Variants in ATP9A observed in about 807,000 individuals in gnomAD.
The protein encoded by ATP9A is ATPase phospholipid transporting 9A.
ATP9A carries 52 observed loss-of-function variants against 144.1 expected under a neutral mutation model. The observed-to-expected ratio is 0.36, with a 90% CI of 0.29 to 0.45. The LOEUF (loss-of-function observed/expected upper bound fraction) is 0.45. Among genes scored for constraint, ATP9A ranks in the 20% least tolerant of loss-of-function variants. ATP9A has a pLI of 1.00. For missense variants in ATP9A, 947 were observed against 1,392.7 expected, an observed-to-expected ratio of 0.68 and a Z score of 5.09; for synonymous variants, 582 against 557.4, an observed-to-expected ratio of 1.04 and a Z score of -0.62.
At chr20:51,760,544 T>C (rs909825709) in intron 1 of ATP9A, among the ~76,000 whole-genome samples, 2 of 150,790 alleles carry the variant, frequency 1.3e-5, no homozygotes, top group Admixed American at 6.6e-5. Context: ...CTGGCCAACA[T>C]GGCGAAACCC....
chr20:51,737,486 G>A (rs1395698870), intron 1 of ATP9A, among the ~76,000 whole-genome samples: 1 of 152,120 alleles, frequency 6.6e-6, no homozygotes, highest in Non-Finnish European at 1.5e-5. Context: ...CTTTGCACAC[G>A]TGTGGGGCCC....
intron 14 of ATP9A, among the ~76,000 whole-genome samples, chr20:51,654,248 T>C (rs1199888334): frequency 6.6e-6 from 1 of 152,122 alleles, no homozygotes; most frequent in Non-Finnish European, 1.5e-5. Flanking sequence ...CCCTGCAGGC[T>C]GGAAGGAGGA....
intron 1 of ATP9A, chr20:51,734,726 G>A (rs2077756381): frequency 5.1e-6 from 1 of 194,898 alleles, no homozygotes; most frequent in Non-Finnish European, 1.1e-5. Context: ...CCAAGTTCCT[G>A]AGGAACATGC....
chr20:51,639,419 T>C lies in ATP9A; in HGVS notation c.1592A>G (p.Asp531Gly). 1 of 1,614,020 alleles carries C rather than the reference T, an allele frequency of 6.2e-7. No individual in the cohort carries two copies. Among genetic ancestry groups the C allele is most frequent in the South Asian group, 1.1e-5 (1 of 91,066 alleles). Residue 531 changes from aspartate to glycine, a missense_variant, in exon 15 of 28, where the codon GAC becomes GGC. By Grantham distance (94) the Asp-to-Gly change is moderately conservative (BLOSUM62 -1). Coordinates refer to ENST00000338821, the MANE Select transcript of ATP9A (RefSeq NM_006045.3). ...QSSMQLRTPGDQILNFTILQI... is the reference protein window; with the variant it reads ...QSSMQLRTPGGQILNFTILQI... ...TAGGATGGTGAAGTTCAGGATCTGG[T>C]CGCCAGGGGTCCTCAGCTGCATGGA...
intron 3 of ATP9A, among the ~76,000 whole-genome samples, chr20:51,724,237 C>G (rs758207606): frequency 6.6e-6 from 1 of 152,154 alleles, no homozygotes; most frequent in African/African-American, 2.4e-5. Flanking sequence ...AGCGTTCCCC[C>G]CCTGGGTCCC....
intron 13 of ATP9A, among the ~76,000 whole-genome samples, chr20:51,662,287 C>G (rs1024977484): frequency 1.3e-5 from 2 of 152,190 alleles, no homozygotes; most frequent in African/African-American, 2.4e-5. Context: ...GTGGCTCACG[C>G]CTGTAATCCC....
intron 1 of ATP9A, among the ~76,000 whole-genome samples, chr20:51,749,501 T>A (rs1239416674): frequency 3.3e-5 from 5 of 152,146 alleles, no homozygotes; most frequent in Admixed American, 6.5e-5. Context: ...TGACCCCAGG[T>A]GATCCACCCA....
chr20:51,671,379 C>T, intron 11 of ATP9A, 122 bp from the exon 12 acceptor site: 1 of 1,197,720 alleles, frequency 8.3e-7, no homozygotes, highest in Non-Finnish European at 1.2e-6. Context: ...TGCAGAAGCA[C>T]ACTGCCAGAG....
chr20:51,737,333 C>T lies in ATP9A; in HGVS notation c.69-7355G>A, dbSNP rs116394224. ...GCCCCGTACCCATTCACCTTTGAGCCACTTATCAATTTACTCCCTCTCAGT... is the reference window on the plus strand; with the variant it reads ...GCCCCGTACCCATTCACCTTTGAGCTACTTATCAATTTACTCCCTCTCAGT... On this transcript the variant is annotated intron_variant, in intron 1 of 27. Coordinates refer to ENST00000338821, the MANE Select transcript of ATP9A (RefSeq NM_006045.3). Among the ~76,000 whole-genome samples the T allele has an allele frequency of 9.4e-3, 1,430 of 152,314 alleles. 18 individuals are homozygous for T. Among genetic ancestry groups the T allele is most frequent in the African/African-American group, 0.032 (1,344 of 41,550 alleles).
rs967945083 is a variant in ATP9A at position 51,611,711 on chromosome 20, A to C, written c.2572-1546T>G. ...CGGCCAGCTTTTGTGTATGAGTCCAAGGACGGGCTGATTAATCTCCCAATC... is the reference window on the plus strand; with the variant it reads ...CGGCCAGCTTTTGTGTATGAGTCCACGGACGGGCTGATTAATCTCCCAATC... On this transcript the variant is annotated intron_variant, in intron 23 of 27. Coordinates refer to ENST00000338821, the MANE Select transcript of ATP9A (RefSeq NM_006045.3). The surrounding 1 kb of genome is among the most constrained non-coding windows in gnomAD (Gnocchi z 4.2). 5.9e-5 allele frequency among the ~76,000 whole-genome samples: 9 copies of C among 152,230 alleles called. No homozygotes were observed. The highest frequency in any genetic ancestry group is 2.2e-4 in the African/African-American group (9 of 41,466).
At chr20:51,659,550 C>T (rs940697279) in intron 13 of ATP9A, among the ~76,000 whole-genome samples, 1 of 152,128 alleles carries the variant, frequency 6.6e-6, no homozygotes, top group African/African-American at 2.4e-5. Context: ...GGGTCACCTA[C>T]AACAGTCTTA....
intron 14 of ATP9A, among the ~76,000 whole-genome samples, chr20:51,652,280 T>C (rs1163168543): frequency 6.6e-6 from 1 of 152,232 alleles, no homozygotes; most frequent in African/African-American, 2.4e-5. Context: ...CAGGCTGTAA[T>C]CGATAGCTGA....
intron 17 of ATP9A, 32 bp downstream of exon 17, chr20:51,627,567 CA>C (rs2077254426): frequency 6.3e-7 from 1 of 1,596,512 alleles, no homozygotes; most frequent in African/African-American, 1.3e-5. Flanking sequence ...GGTGGGGCTG[CA>C]AAGGCAATGG....
At chr20:51,679,872 A>G (rs1471336763) in intron 9 of ATP9A, among the ~76,000 whole-genome samples, 4 of 152,182 alleles carry the variant, frequency 2.6e-5, no homozygotes, top group African/African-American at 9.7e-5. Context: ...TATTGCTGCA[A>G]TATTCGAGCA....
At chr20:51,683,713 G>A (rs1445269732) in intron 9 of ATP9A, among the ~76,000 whole-genome samples, 1 of 152,112 alleles carries the variant, frequency 6.6e-6, no homozygotes, top group Non-Finnish European at 1.5e-5. Flanking sequence ...ACTGCACCCA[G>A]CCTCGTTTTA....
intron 23 of ATP9A, among the ~76,000 whole-genome samples, chr20:51,612,677 G>A (rs1013115700): frequency 3.3e-5 from 5 of 152,110 alleles, no homozygotes; most frequent in African/African-American, 4.8e-5. Context: ...TGCCCACCTC[G>A]GCCTCCCAAT....
chr20:51,670,346 G>A (rs1251407871), intron 12 of ATP9A, among the ~76,000 whole-genome samples: 12 of 152,176 alleles, frequency 7.9e-5, no homozygotes, highest in African/African-American at 1.7e-4. Context: ...ATTACCTAAG[G>A]TGGCCCAAGA....
At chr20:51,685,769 G>A (rs542683642) in intron 9 of ATP9A, among the ~76,000 whole-genome samples, 2 of 152,246 alleles carry the variant, frequency 1.3e-5, no homozygotes, top group Non-Finnish European at 2.9e-5. Context: ...CTGTTGGTGG[G>A]ACTGTAAACT....
chr20:51,685,119 T>C (rs1477503585), intron 9 of ATP9A, among the ~76,000 whole-genome samples: 1 of 152,140 alleles, frequency 6.6e-6, no homozygotes, highest in African/African-American at 2.4e-5. Context: ...CTAAAATTTG[T>C]TCAATGTCTA....
Sources: gnomAD v4.1 joint callset for allele counts (sites outside exome capture counted in the v4.1 genomes callset) on GRCh38, gnomAD v4.1.1 for gene constraint, Gnocchi (gnomAD v3.1) non-coding constraint, MANE v1.5 for transcripts, NCBI Gene and HGNC (gene_info 2026-07-23, HGNC 2026-07-21) for gene names.